The following KCNQ3 variants were observed in gnomAD, a reference collection of about 807,000 sequenced individuals.
The protein encoded by KCNQ3 is potassium voltage-gated channel subfamily KQT member 3.
In KCNQ3, 30 loss-of-function variants were observed where a neutral mutation model predicts 92.5. The observed-to-expected ratio is 0.32, with a 90% CI of 0.24 to 0.44. KCNQ3 has a LOEUF of 0.44. KCNQ3 is among the 20% of genes least tolerant of loss of function. KCNQ3 has a pLI of 1.00. For synonymous variants in KCNQ3, 450 were observed against 468.8 expected, an observed-to-expected ratio of 0.96 and a Z score of 0.52; for missense variants, 913 against 1,140.3, an observed-to-expected ratio of 0.80 and a Z score of 2.87.
In KCNQ3 at chr8:132,454,730, G is replaced by A. The variant is rs564701630; in HGVS notation, c.386+25417C>T. Among the ~76,000 whole-genome samples the A allele has an allele frequency of 8.5e-5, 13 of 152,276 alleles. No individual in the cohort carries two copies. The South Asian group carries it at 1.7e-3, about 19-fold the overall frequency. On this transcript the variant is annotated intron_variant, in intron 1 of 14. Transcript: ENST00000388996. ...TAATTAGATGCATTGATATGGTGAT[G>A]TACACCCATGGTCCTGGAAGTATTA...
At chr8:132,286,263 G>A (rs13282321) in intron 1 of KCNQ3, among the ~76,000 whole-genome samples, 66,148 of 152,044 alleles carry the variant, frequency 0.44, 16,419 homozygotes, top group East Asian at 0.67. Flanking sequence ...CAGCAGCCAC[G>A]TGGACTGCAC....
At chr8:132,367,113 C>T (rs958755628) in intron 1 of KCNQ3, among the ~76,000 whole-genome samples, 3 of 152,178 alleles carry the variant, frequency 2.0e-5, no homozygotes, top group African/African-American at 7.2e-5. Flanking sequence ...TCAGTATATG[C>T]GGAGAACTCT....
intron 3 of KCNQ3, among the ~76,000 whole-genome samples, chr8:132,181,274 TA>T (rs1826762307): frequency 6.6e-6 from 1 of 152,160 alleles, no homozygotes; most frequent in African/African-American, 2.4e-5. Context: ...CCATGTCAAT[TA>T]TCACCCCACT....
chr8:132,460,877 T>A (rs1007625363), intron 1 of KCNQ3, among the ~76,000 whole-genome samples: 2 of 152,184 alleles, frequency 1.3e-5, no homozygotes, highest in African/African-American at 4.8e-5. Context: ...CTGCGCTTCA[T>A]CTATTCCACC....
chr8:132,372,773 C>A (rs2673611), intron 1 of KCNQ3, among the ~76,000 whole-genome samples: 39,744 of 102,986 alleles, frequency 0.39, 8,382 homozygotes, highest in African/African-American at 0.67. Context: ...AAAAAAAAAA[C>A]AAAAAAAAAA....
chr8:132,434,945 GAGTCTGAAC>G (rs1221637334), intron 1 of KCNQ3, among the ~76,000 whole-genome samples: 6 of 152,322 alleles, frequency 3.9e-5, no homozygotes, highest in Non-Finnish European at 1.5e-5. Context: ...AAATTTTTCT[GAGTCTGAAC>G]AGTTTCTGGC....
intron 1 of KCNQ3, among the ~76,000 whole-genome samples, chr8:132,372,642 A>G (rs1819504444): frequency 6.6e-6 from 1 of 151,730 alleles, no homozygotes; most frequent in African/African-American, 2.4e-5. Context: ...CTGTAATCCC[A>G]ACTGCTCAGG....
At chr8:132,133,351 A>ATTTTT (rs1554621909) in intron 13 of KCNQ3, among the ~76,000 whole-genome samples, 1 of 72,794 alleles carries the variant, frequency 1.4e-5, no homozygotes, top group Non-Finnish European at 3.1e-5. Context: ...AATGCTCTCG[A>ATTTTT]TTCTTTTTTT....
rs1373746705 is a variant in KCNQ3, at chr8:132,127,622, A to G, written c.*1640T>C. On this transcript the variant is annotated 3_prime_UTR_variant, in exon 15 of 15. Coordinates refer to ENST00000388996, the MANE Select transcript of KCNQ3 (RefSeq NM_004519.4). ...CTGCATACAGACATTTGTTTAGGTC[A>G]TCTGGATTATCTTGATTGTCACCAT... 6.6e-6 allele frequency: 1 copy of G among 152,236 alleles called. No homozygotes were observed. The highest frequency in any genetic ancestry group is 1.5e-5 in the Non-Finnish European group (1 of 68,058). 9.4% of individuals were successfully genotyped at this position (152,236 alleles called of 1,614,324 possible).
chr8:132,473,285 T>C (rs970232953), intron 1 of KCNQ3, among the ~76,000 whole-genome samples: 1 of 152,106 alleles, frequency 6.6e-6, no homozygotes, highest in Admixed American at 6.6e-5. Context: ...GTCAGGGAAA[T>C]GGAAGTTGAA....
At chr8:132,354,971 C>T (rs184289499) in intron 1 of KCNQ3, among the ~76,000 whole-genome samples, 11 of 152,268 alleles carry the variant, frequency 7.2e-5, no homozygotes, top group South Asian at 2.1e-4. Flanking sequence ...ATTGTCTCTG[C>T]GACTGCCCTA....
chr8:132,274,709 G>A (rs1013870810), intron 1 of KCNQ3, among the ~76,000 whole-genome samples: 7 of 152,168 alleles, frequency 4.6e-5, no homozygotes, highest in Non-Finnish European at 1.0e-4. Flanking sequence ...ATGACCTTCA[G>A]TAGCAGAGAT....
intron 1 of KCNQ3, among the ~76,000 whole-genome samples, chr8:132,332,491 A>G (rs77265158): frequency 0.011 from 1,635 of 152,322 alleles, 36 homozygotes; most frequent in African/African-American, 0.037. Flanking sequence ...CCAGGAACAC[A>G]CAGAGATGAT....
Position 132,128,858 on chromosome 8 carries a change from A to C in KCNQ3, c.*404T>G. On this transcript the variant is annotated 3_prime_UTR_variant, in exon 15 of 15. Transcript: ENST00000388996. ...GCTGGAGCGTTTTACACAAGAGGGC[A>C]GTGATCCTAGAAATAACTTAAACTA... The C allele has an allele frequency of 4.7e-6, 1 of 211,262 alleles. No individual in the cohort carries two copies. Among genetic ancestry groups the C allele is most frequent in the Non-Finnish European group, 9.6e-6 (1 of 103,686 alleles). The allele number at this position is 211,262 out of a possible 1,614,324, so 13.1% of individuals were successfully genotyped here. A position where few individuals can be genotyped will look rare whatever the true frequency, so the allele number is the denominator to read the frequency against.
intron 11 of KCNQ3, 69 bp from the exon 12 acceptor site, chr8:132,138,085 G>A (rs753902780): frequency 2.6e-5 from 40 of 1,551,634 alleles, no homozygotes; most frequent in Non-Finnish European, 3.5e-5. Flanking sequence ...CAGAAGGCTA[G>A]CAAACTCCAG....
intron 1 of KCNQ3, among the ~76,000 whole-genome samples, chr8:132,310,968 G>A (rs1817576480): frequency 4.0e-5 from 6 of 149,996 alleles, no homozygotes; most frequent in Admixed American, 4.0e-4. Flanking sequence ...TTGAGATGGA[G>A]TCTAGCTCTG....
chr8:132,283,703 C>G (rs1320154715), intron 1 of KCNQ3, among the ~76,000 whole-genome samples: 1 of 152,242 alleles, frequency 6.6e-6, no homozygotes, highest in African/African-American at 2.4e-5. Flanking sequence ...GGGGTTTGAA[C>G]ATGCTCTAAA....
chr8:132,249,966 G>A (rs992701651), intron 1 of KCNQ3, among the ~76,000 whole-genome samples: 2 of 152,172 alleles, frequency 1.3e-5, no homozygotes, highest in African/African-American at 4.8e-5. Flanking sequence ...GACCTGCCGA[G>A]CCCATGCCCA....
chr8:132,478,405 A>G (rs2130872634), intron 1 of KCNQ3, among the ~76,000 whole-genome samples: 1 of 152,306 alleles, frequency 6.6e-6, no homozygotes, highest in African/African-American at 2.4e-5. Context: ...ATGTGAAAGG[A>G]CACGTGAATC....
Sources: gnomAD v4.1 joint callset for allele counts (sites outside exome capture counted in the v4.1 genomes callset) on GRCh38, gnomAD v4.1.1 for gene constraint, MANE v1.5 for transcripts, NCBI Gene and HGNC (gene_info 2026-07-23, HGNC 2026-07-21) for gene names.